The following IRAK3 variants were observed in gnomAD, a reference collection of about 807,000 sequenced individuals.
IRAK3 encodes the protein interleukin-1 receptor-associated kinase 3.
A neutral mutation model predicts 56.6 loss-of-function variants in IRAK3; 57 were observed. That is an observed-to-expected ratio of 1.01 (90% CI 0.81 to 1.26). The LOEUF (loss-of-function observed/expected upper bound fraction) is 1.26. Ranked by LOEUF, IRAK3 falls within the 50% of genes most tolerant of loss-of-function variation. The pLI, the probability that IRAK3 is intolerant of heterozygous loss-of-function variation, is 0.00. For synonymous variants in IRAK3, 258 were observed against 255.7 expected, an observed-to-expected ratio of 1.01 and a Z score of -0.09; for missense variants, 703 against 719.0, an observed-to-expected ratio of 0.98 and a Z score of 0.25.
rs778369302 is a variant in IRAK3 at position 66,245,104 on chromosome 12, C to A, written c.1156C>A (p.Leu386Ile). The part of the protein sequence containing the change: ...DDPKHIQLRD[L>I]LRELMEKRGL... Reference sequence around the variant, plus strand: ...TGTCTCCCTCTCTTCCAAGCGGGATCTCCTTAGAGAATTGATGGAGAAGAG... The same window carrying A: ...TGTCTCCCTCTCTTCCAAGCGGGATATCCTTAGAGAATTGATGGAGAAGAG... Residue 386 changes from leucine to isoleucine, a missense_variant, in exon 11 of 12, where the codon CTC (leucine) becomes ATC (isoleucine). Physicochemically the swap from Leu to Ile is conservative, Grantham distance 5. Coordinates refer to ENST00000261233, the MANE Select transcript of IRAK3 (RefSeq NM_007199.3). The A allele has an allele frequency of 6.2e-6, 10 of 1,614,138 alleles. No homozygotes were observed. Among genetic ancestry groups the A allele is most frequent in the Admixed American group, 3.3e-5 (2 of 60,018 alleles).
intron 5 of IRAK3, 108 bp from the exon 6 acceptor site, chr12:66,217,063 G>C (rs529528831): frequency 1.6e-5 from 13 of 815,260 alleles, no homozygotes; most frequent in East Asian, 2.4e-5. Context: ...GTTCATATGT[G>C]TTTACACCAA....
rs139041501 is a variant in IRAK3 at position 66,233,859 on chromosome 12, G to A, written c.887+5489G>A. Among the ~76,000 whole-genome samples the A allele has an allele frequency of 1.0e-3, 150 of 147,806 alleles. 1 individual carries two copies. Among genetic ancestry groups the A allele is most frequent in the Admixed American group, 7.4e-3 (109 of 14,684 alleles). ...TTGTTTTACTAAAATAAACCTGTTC[G>A]GGGGAACAGCTACTAGATGAATTTA... On this transcript the variant is annotated intron_variant, in intron 8 of 11. Transcript: ENST00000261233.
At chr12:66,201,716 C>A (rs2052509622) in intron 1 of IRAK3, among the ~76,000 whole-genome samples, 2 of 152,320 alleles carry the variant, frequency 1.3e-5, no homozygotes, top group Non-Finnish European at 2.9e-5. Context: ...TTATGCCAAA[C>A]CTTAATTGAA....
chr12:66,214,228 G>A (rs2052642316), intron 5 of IRAK3, among the ~76,000 whole-genome samples: 6 of 151,992 alleles, frequency 3.9e-5, no homozygotes, highest in Admixed American at 3.9e-4. Context: ...GATGGCAAGA[G>A]CTAGCTGGAG....
chr12:66,204,778 GCACACA>G (rs59511601), intron 2 of IRAK3, among the ~76,000 whole-genome samples: 50,745 of 147,848 alleles, frequency 0.34, 8,708 homozygotes, highest in East Asian at 0.5. Context: ...GAGCCCTTGC[GCACACA>G]CACACACACA....
intron 1 of IRAK3, among the ~76,000 whole-genome samples, chr12:66,194,955 C>T (rs551621703): frequency 1.8e-4 from 28 of 152,182 alleles, no homozygotes; most frequent in African/African-American, 6.0e-4. Context: ...GCTAAATTCA[C>T]GTAAATTCAA....
intron 7 of IRAK3, among the ~76,000 whole-genome samples, chr12:66,227,825 G>A (rs1290230606): frequency 6.6e-6 from 1 of 151,574 alleles, no homozygotes; most frequent in Admixed American, 6.6e-5. Context: ...TTGAATAAAT[G>A]TCATGATTCC....
intron 8 of IRAK3, among the ~76,000 whole-genome samples, chr12:66,240,413 A>C (rs979968831): frequency 1.3e-5 from 2 of 152,184 alleles, no homozygotes; most frequent in African/African-American, 4.8e-5. Flanking sequence ...TTCAGTGGGG[A>C]TGAAAAAGAA....
intron 6 of IRAK3, among the ~76,000 whole-genome samples, chr12:66,219,664 A>G (rs1365720843): frequency 6.6e-6 from 1 of 152,204 alleles, no homozygotes; most frequent in African/African-American, 2.4e-5. Flanking sequence ...TTATATTCCA[A>G]CCAACAGCAT....
intron 8 of IRAK3, chr12:66,234,121 G>C (rs561668095): frequency 6.2e-7 from 1 of 1,614,108 alleles, no homozygotes; most frequent in Non-Finnish European, 8.5e-7. Flanking sequence ...TAGACGTCTC[G>C]ACAGCCACCT....
chr12:66,217,093 G>A (rs1454979696), intron 5 of IRAK3, 78 bp from the exon 6 acceptor site: 3 of 989,842 alleles, frequency 3.0e-6, no homozygotes, highest in East Asian at 4.8e-5. Context: ...CTAATTTAGG[G>A]AGACTATAGA....
At chr12:66,212,105 C>T (rs1190503748) in intron 5 of IRAK3, among the ~76,000 whole-genome samples, 1 of 64,526 alleles carries the variant, frequency 1.5e-5, no homozygotes, top group Admixed American at 2.4e-4. Context: ...AGTGAGACAC[C>T]ACCTCAAAAA....
intron 2 of IRAK3, among the ~76,000 whole-genome samples, chr12:66,204,298 TA>T (rs2052536783): frequency 6.6e-6 from 1 of 152,214 alleles, no homozygotes; most frequent in Admixed American, 6.5e-5. Flanking sequence ...TATTACAAGT[TA>T]AAAATATAAT....
At chr12:66,226,659 G>C in intron 6 of IRAK3, 64 bp from the exon 7 acceptor site, 1 of 906,786 alleles carries the variant, frequency 1.1e-6, no homozygotes. Flanking sequence ...CCCCACACCA[G>C]TGTGTTGTTC....
At chr12:66,205,427 C>T (rs957738125) in intron 2 of IRAK3, among the ~76,000 whole-genome samples, 1 of 152,042 alleles carries the variant, frequency 6.6e-6, no homozygotes, top group Non-Finnish European at 1.5e-5. Context: ...TACTTCTTTA[C>T]TAAAGAAAAT....
chr12:66,199,788 C>T (rs1565798877), intron 1 of IRAK3, among the ~76,000 whole-genome samples: 1 of 152,068 alleles, frequency 6.6e-6, no homozygotes, highest in East Asian at 1.9e-4. Context: ...AAAAATGTGC[C>T]TCAATGATAT....
At chr12:66,212,614 T>C (rs1429767385) in intron 5 of IRAK3, among the ~76,000 whole-genome samples, 1 of 152,102 alleles carries the variant, frequency 6.6e-6, no homozygotes, top group Non-Finnish European at 1.5e-5. Context: ...AAACAAAAGA[T>C]TAAACTGTTG....
rs531911918 is a variant in IRAK3, at chr12:66,211,299, G to C, written c.437-147G>C. The C allele has an allele frequency of 3.6e-5, 22 of 610,944 alleles. No homozygotes were observed. The East Asian group carries it at 6.1e-4, about 17-fold the overall frequency. 37.8% of individuals were successfully genotyped at this position (610,944 alleles called of 1,614,324 possible). A position where few individuals can be genotyped will look rare whatever the true frequency, so the allele number is the denominator to read the frequency against. ...CTAGATCCAAGTAAATGTGCAGAGA[G>C]CACATGGTGGTCTTCGGCTTTGGTT... On this transcript the variant is annotated intron_variant, in intron 4 of 11. Coordinates refer to ENST00000261233, the MANE Select transcript of IRAK3 (RefSeq NM_007199.3).
At position 66,219,301 on chromosome 12, in the gene IRAK3, C is replaced by T. The variant is rs144262056; in HGVS notation, c.653+2066C>T. ...CCATGTGTTGTGAGAGGGACCTGGT[C>T]GGAGATTATTGAATCACGGGGGCAG... On this transcript the variant is annotated intron_variant, in intron 6 of 11. Transcript: ENST00000261233. Among the ~76,000 whole-genome samples the T allele has an allele frequency of 4.6e-5, 7 of 152,286 alleles. No homozygotes were observed. In the East Asian group the frequency reaches 9.6e-4, roughly 21 times the overall value.
Sources: gnomAD v4.1 joint callset for allele counts (sites outside exome capture counted in the v4.1 genomes callset) on GRCh38, gnomAD v4.1.1 for gene constraint, MANE v1.5 for transcripts, NCBI Gene and HGNC (gene_info 2026-07-23, HGNC 2026-07-21) for gene names.